NCAM2: variants seen among roughly 807,000 people sequenced by gnomAD.
NCAM2 encodes neural cell adhesion molecule 2, also known as N-CAM-2.
NCAM2 carries 30 observed loss-of-function variants against 98.1 expected under a neutral mutation model. The ratio of observed to expected loss-of-function variants is 0.31; its 90% CI spans 0.23 to 0.41. NCAM2 has a LOEUF of 0.41. Ranked by LOEUF, NCAM2 falls within the 10% of genes least tolerant of loss-of-function variation. NCAM2 has a pLI of 1.00. For missense variants in NCAM2, 867 were observed against 1,005.8 expected (o/e 0.86, Z 1.87); for synonymous variants, 368 against 342.4 (o/e 1.07, Z -0.83).
At chr21:21,199,559 C>T (rs1200564549) in intron 1 of NCAM2, among the ~76,000 whole-genome samples, 1 of 152,170 alleles carries the variant, frequency 6.6e-6, no homozygotes, top group Non-Finnish European at 1.5e-5. Context: ...GAGCGTCTTC[C>T]TGTGAAAATG....
chr21:21,169,660 T>G (rs1286454491), intron 1 of NCAM2, among the ~76,000 whole-genome samples: 1 of 152,010 alleles, frequency 6.6e-6, no homozygotes. Flanking sequence ...AAAGAAAATA[T>G]ACAGACAGCC....
chr21:21,202,636 G>A (rs899572608), intron 1 of NCAM2, among the ~76,000 whole-genome samples: 2 of 151,746 alleles, frequency 1.3e-5, no homozygotes, highest in South Asian at 2.1e-4. Flanking sequence ...GGCTGGTCTC[G>A]AACTCCTGAC....
rs527519307 is a variant in NCAM2 at position 21,352,802 on chromosome 21, A to G, written c.1044+14268A>G. Among the ~76,000 whole-genome samples, 169 of 141,690 alleles carry G rather than the reference A, an allele frequency of 1.2e-3. 2 individuals are homozygous for G. The highest frequency in any genetic ancestry group is 4.3e-3 in the African/African-American group (163 of 37,870). 93.0% of individuals were successfully genotyped at this position (141,690 alleles called of 152,430 possible). On this transcript the variant is annotated intron_variant, in intron 8 of 17. Transcript: ENST00000400546. ...GCACATGTACCCTAAAACTTAAAGT[A>G]TAAAAAAAAAAAGATTAGAAAATTA...
chr21:21,473,395 A>ATATAT (rs1229801047), intron 14 of NCAM2, among the ~76,000 whole-genome samples: 10 of 125,992 alleles, frequency 7.9e-5, no homozygotes, highest in Non-Finnish European at 1.8e-4. Context: ...TATATATATT[A>ATATAT]TATATAAAAT....
At chr21:21,138,191 C>G (rs936405942) in intron 1 of NCAM2, among the ~76,000 whole-genome samples, 1 of 152,098 alleles carries the variant, frequency 6.6e-6, no homozygotes, top group South Asian at 2.1e-4. Flanking sequence ...TGAGCAAGCA[C>G]AGATGTCTTC....
intron 1 of NCAM2, among the ~76,000 whole-genome samples, chr21:21,052,383 T>C (rs1050993578): frequency 6.6e-6 from 1 of 152,144 alleles, no homozygotes; most frequent in Non-Finnish European, 1.5e-5. Context: ...CAGGCTGGTA[T>C]AGAACTCCTG....
At chr21:21,099,783 C>G (rs1001662800) in intron 1 of NCAM2, among the ~76,000 whole-genome samples, 2 of 151,856 alleles carry the variant, frequency 1.3e-5, no homozygotes, top group Non-Finnish European at 1.5e-5. Context: ...TTGCCTTTTT[C>G]TCGTGAACCT....
At chr21:21,173,669 T>C (rs1895544359) in intron 1 of NCAM2, among the ~76,000 whole-genome samples, 1 of 152,210 alleles carries the variant, frequency 6.6e-6, no homozygotes, top group South Asian at 2.1e-4. Flanking sequence ...CAGTTGGATG[T>C]AAATACACTC....
chr21:21,503,064 A>T (rs912443707), intron 15 of NCAM2, among the ~76,000 whole-genome samples: 19 of 151,936 alleles, frequency 1.3e-4, no homozygotes, highest in Non-Finnish European at 2.9e-5. Flanking sequence ...TTAATATTGC[A>T]GTTGGGATTT....
At chr21:21,134,953 C>T (rs558227467) in intron 1 of NCAM2, among the ~76,000 whole-genome samples, 1 of 151,946 alleles carries the variant, frequency 6.6e-6, no homozygotes, top group East Asian at 1.9e-4. Flanking sequence ...CTTCTGAACT[C>T]GCTGGGCGCG....
intron 1 of NCAM2, among the ~76,000 whole-genome samples, chr21:21,064,899 G>A (rs1402739555): frequency 6.6e-6 from 1 of 151,860 alleles, no homozygotes; most frequent in Non-Finnish European, 1.5e-5. Flanking sequence ...CACTTCCAAG[G>A]GTGGGCGCAG....
At position 21,357,023 on chromosome 21, in the gene NCAM2, A is replaced by AAATAAATAAATAAATG. The variant is rs548233793; in HGVS notation, c.1045-16837_1045-16836insAAATAAATAAATGAAT. Among the ~76,000 whole-genome samples, 931 of 146,676 alleles carry AAATAAATAAATAAATG rather than the reference A, an allele frequency of 6.3e-3. 10 individuals carry two copies. Among genetic ancestry groups the AAATAAATAAATAAATG allele is most frequent in the African/African-American group, 0.022 (892 of 40,472 alleles). On this transcript the variant is annotated intron_variant, in intron 8 of 17. Coordinates refer to ENST00000400546, the MANE Select transcript of NCAM2 (RefSeq NM_004540.5). ...TAAATAAATAAATAAATAAATAAAT[A>AAATAAATAAATAAATG]AATGTTTCTTGCTTCATGGTCCATG... is the stretch of plus-strand genomic sequence containing the variant.
chr21:21,328,010 C>T (rs934911756), intron 6 of NCAM2, among the ~76,000 whole-genome samples: 1 of 152,008 alleles, frequency 6.6e-6, no homozygotes, highest in African/African-American at 2.4e-5. Context: ...TATTGTTAGC[C>T]CATTAATTTC....
intron 1 of NCAM2, among the ~76,000 whole-genome samples, chr21:21,214,141 G>A (rs2147096589): frequency 6.6e-6 from 1 of 152,226 alleles, no homozygotes; most frequent in African/African-American, 2.4e-5. Context: ...AGGAAGTTGA[G>A]CTCATGGTGT....
intron 1 of NCAM2, among the ~76,000 whole-genome samples, chr21:21,086,045 C>T (rs1245799348): frequency 6.6e-6 from 1 of 152,150 alleles, no homozygotes; most frequent in Non-Finnish European, 1.5e-5. Context: ...ATTTCACTTG[C>T]AGTATAACCT....
intron 12 of NCAM2, 129 bp from the exon 13 acceptor site, chr21:21,466,477 G>A: frequency 4.6e-6 from 3 of 655,274 alleles, no homozygotes; most frequent in Non-Finnish European, 6.9e-6. Context: ...GGTATTTCAT[G>A]GAAAGATTTC....
chr21:21,380,067 C>T (rs866785190), intron 9 of NCAM2, among the ~76,000 whole-genome samples: 9 of 152,174 alleles, frequency 5.9e-5, no homozygotes, highest in South Asian at 2.1e-4. Flanking sequence ...TTAGATGGTG[C>T]CCACCCAGAT....
intron 15 of NCAM2, among the ~76,000 whole-genome samples, chr21:21,496,856 A>T (rs748640151): frequency 1.3e-5 from 2 of 152,078 alleles, no homozygotes; most frequent in Non-Finnish European, 2.9e-5. Context: ...CCAGCATCAT[A>T]TACTGAATAG....
chr21:21,468,858 T>G, intron 14 of NCAM2, 75 bp downstream of exon 14: 1 of 1,313,548 alleles, frequency 7.6e-7, no homozygotes, highest in Middle Eastern at 2.0e-4. Context: ...TTTATAAACA[T>G]ATCAGGAGAG....
Sources: allele counts gnomAD v4.1 joint callset (sites outside exome capture counted in the v4.1 genomes callset), GRCh38; gene constraint gnomAD v4.1.1; transcripts MANE v1.5; gene names NCBI Gene and HGNC (gene_info 2026-07-23, HGNC 2026-07-21).